HS3ST2: variants seen among roughly 807,000 people sequenced by gnomAD.
HS3ST2 encodes heparan sulfate-glucosamine 3-sulfotransferase 2, also known as heparan sulfate glucosamine 3-O-sulfotransferase 2.
Under a neutral mutation model 26.3 loss-of-function variants are expected in HS3ST2, and 17 were observed. The ratio of observed to expected loss-of-function variants is 0.65; its 90% confidence interval spans 0.44 to 0.97. The LOEUF is 0.97. Among genes scored for constraint, HS3ST2 ranks in the 50% least tolerant of loss-of-function variants. The probability of loss-of-function intolerance (pLI) is 0.00; values close to 1 mark genes in which losing one functional copy is unlikely to be tolerated. For missense variants in HS3ST2, 402 were observed against 501.2 expected (o/e 0.80, Z 1.89); for synonymous variants, 237 against 219.2 (o/e 1.08, Z -0.72).
intron 1 of HS3ST2, among the ~76,000 whole-genome samples, chr16:22,899,227 G>A (rs1368777809): frequency 6.6e-6 from 1 of 152,174 alleles, no homozygotes; most frequent in South Asian, 2.1e-4. Flanking sequence ...TGGGGACTCC[G>A]TGGACAATTC....
intron 1 of HS3ST2, among the ~76,000 whole-genome samples, chr16:22,863,827 A>G (rs576604332): frequency 1.3e-5 from 2 of 152,274 alleles, no homozygotes; most frequent in East Asian, 1.9e-4. Context: ...CTCAATGGCA[A>G]TTACCTGCCA....
At chr16:22,872,575 C>G (rs985567270) in intron 1 of HS3ST2, among the ~76,000 whole-genome samples, 1 of 152,144 alleles carries the variant, frequency 6.6e-6, no homozygotes, top group Non-Finnish European at 1.5e-5. Flanking sequence ...GTGGTTTCTT[C>G]TTTAGATGGG....
chr16:22,849,952 G>C (rs564348266), intron 1 of HS3ST2, among the ~76,000 whole-genome samples: 1 of 152,148 alleles, frequency 6.6e-6, no homozygotes, highest in Non-Finnish European at 1.5e-5. Flanking sequence ...GGAATACAGC[G>C]CATTACTGGC....
intron 1 of HS3ST2, among the ~76,000 whole-genome samples, chr16:22,893,663 T>C (rs959093093): frequency 4.6e-5 from 7 of 151,298 alleles, no homozygotes; most frequent in African/African-American, 1.7e-4. Context: ...TTTTTTGTTT[T>C]ACTTTAAGTT....
chr16:22,856,556 C>T (rs1021644481), intron 1 of HS3ST2, among the ~76,000 whole-genome samples: 2 of 152,184 alleles, frequency 1.3e-5, no homozygotes, highest in African/African-American at 2.4e-5. Context: ...ATCCCCAAAA[C>T]ACATAACCTC....
chr16:22,910,560 T>G (rs1347719972), intron 1 of HS3ST2, among the ~76,000 whole-genome samples: 1 of 152,238 alleles, frequency 6.6e-6, no homozygotes, highest in Non-Finnish European at 1.5e-5. Context: ...AACAATGTAC[T>G]CAATACTACT....
intron 1 of HS3ST2, among the ~76,000 whole-genome samples, chr16:22,903,725 C>T (rs1486124889): frequency 6.6e-6 from 1 of 152,166 alleles, no homozygotes; most frequent in East Asian, 1.9e-4. Context: ...AGAAGGATCC[C>T]TTTGTAGTCT....
At chr16:22,853,020 A>G (rs1429575795) in intron 1 of HS3ST2, among the ~76,000 whole-genome samples, 1 of 152,026 alleles carries the variant, frequency 6.6e-6, no homozygotes, top group African/African-American at 2.4e-5. Flanking sequence ...TACCTTTTTC[A>G]CCCACTTTGA....
At chr16:22,827,810 C>T (rs1338356063) in intron 1 of HS3ST2, among the ~76,000 whole-genome samples, 2 of 150,234 alleles carry the variant, frequency 1.3e-5, no homozygotes, top group African/African-American at 4.9e-5. Flanking sequence ...CCTCCAGGCT[C>T]AAGCAATCCT....
chr16:22,866,321 G>GCA (rs1901749395), intron 1 of HS3ST2, among the ~76,000 whole-genome samples: 1 of 148,208 alleles, frequency 6.7e-6, no homozygotes, highest in African/African-American at 2.6e-5. Flanking sequence ...GCACGTGCGC[G>GCA]CGCGCGCACA....
At chr16:22,834,438 AATAAGT>A (rs1268322110) in intron 1 of HS3ST2, among the ~76,000 whole-genome samples, 3 of 152,204 alleles carry the variant, frequency 2.0e-5, no homozygotes, top group African/African-American at 7.2e-5. Flanking sequence ...TCTCCATGCC[AATAAGT>A]ATATCTACAG....
chr16:22,898,777 A>G (rs1902241968), intron 1 of HS3ST2, among the ~76,000 whole-genome samples: 1 of 152,180 alleles, frequency 6.6e-6, no homozygotes, highest in East Asian at 1.9e-4. Context: ...TGAGACATGA[A>G]TTATATGTAG....
rs1902485417 is a variant in HS3ST2, at chr16:22,915,615, G to A, written c.*53G>A. ...GCTCTTCTGCTCATCTCTTCCGTGA[G>A]ATTTGCTCCCAGACCCTCTGATCTC... On this transcript the variant is annotated 3_prime_UTR_variant, in exon 2 of 2. Transcript: ENST00000261374. 6.4e-7 allele frequency: 1 copy of A among 1,556,686 alleles called. No homozygotes were observed. The highest frequency in any genetic ancestry group is 1.4e-5 in the African/African-American group (1 of 72,818).
At chr16:22,817,892 GC>G (rs34964218) in intron 1 of HS3ST2, among the ~76,000 whole-genome samples, 35,094 of 152,056 alleles carry the variant, frequency 0.23, 4,604 homozygotes, top group African/African-American at 0.37. Flanking sequence ...CAAAGGAGGG[GC>G]TTCTTTCTGT....
At chr16:22,856,172 G>A (rs931399064) in intron 1 of HS3ST2, among the ~76,000 whole-genome samples, 2 of 152,182 alleles carry the variant, frequency 1.3e-5, no homozygotes, top group Non-Finnish European at 2.9e-5. Flanking sequence ...GATTCCATGT[G>A]AAACTGGGCA....
At position 22,844,272 on chromosome 16, in the gene HS3ST2, T is replaced by C. The variant is rs138288590; in HGVS notation, c.485+29177T>C. Among the ~76,000 whole-genome samples, 8 of 152,298 alleles carry C rather than the reference T, an allele frequency of 5.3e-5. No individual in the cohort carries two copies. The East Asian group carries it at 1.5e-3, about 29-fold the overall frequency. On this transcript the variant is annotated intron_variant, in intron 1 of 1. Transcript: ENST00000261374. ...TGTTTTATTTCTCACTTTGGGATTC[T>C]TGCATCACACTAGACACAAGCTCAG... is the stretch of plus-strand genomic sequence containing the variant.
intron 1 of HS3ST2, among the ~76,000 whole-genome samples, chr16:22,827,884 A>AT (rs1223379435): frequency 4.0e-5 from 6 of 150,378 alleles, no homozygotes; most frequent in Middle Eastern, 3.5e-3. Flanking sequence ...TAATTTTTGT[A>AT]TTTTTTTTAG....
At chr16:22,889,593 A>T (rs746831939) in intron 1 of HS3ST2, among the ~76,000 whole-genome samples, 110 of 152,296 alleles carry the variant, frequency 7.2e-4, no homozygotes, top group Non-Finnish European at 1.2e-3. Flanking sequence ...TCTGGAAAAA[A>T]TCCCCAATCT....
rs80008431 is a variant in HS3ST2 at position 22,873,493 on chromosome 16, T to C, written c.486-41451T>C. On this transcript the variant is annotated intron_variant, in intron 1 of 1. Transcript: ENST00000261374. The stretch of plus-strand genomic sequence containing the variant: ...AACTAGATTAGAAGAGTGAGAGCAA[T>C]GGGAGATGGTTTTGTGGTTTCAGTG... Among the ~76,000 whole-genome samples the C allele has an allele frequency of 2.7e-3, 413 of 152,282 alleles. 2 individuals are homozygous for C. The highest frequency in any genetic ancestry group is 8.8e-3 in the African/African-American group (366 of 41,568).
Sources: allele counts gnomAD v4.1 joint callset (sites outside exome capture counted in the v4.1 genomes callset), GRCh38; gene constraint gnomAD v4.1.1; transcripts MANE v1.5; gene names NCBI Gene and HGNC (gene_info 2026-07-23, HGNC 2026-07-21).